The following RGS20 variants were observed in gnomAD, a reference collection of about 807,000 sequenced individuals.
The protein encoded by RGS20 is gz-selective GTPase-activating protein.
Under a neutral mutation model 33.6 loss-of-function variants are expected in RGS20, and 30 were observed. The ratio of observed to expected loss-of-function variants is 0.89; its 90% CI spans 0.67 to 1.21. The LOEUF is 1.21. Ranked by LOEUF, RGS20 falls within the 50% of genes most tolerant of loss-of-function variation. The pLI is 0.00. For missense variants in RGS20, 472 were observed against 502.4 expected (o/e 0.94, Z 0.58); for synonymous variants, 208 against 197.9 (o/e 1.05, Z -0.43).
At chr8:53,925,004 A>T (rs1047581349) in intron 2 of RGS20, among the ~76,000 whole-genome samples, 1 of 152,172 alleles carries the variant, frequency 6.6e-6, no homozygotes, top group Admixed American at 6.6e-5. Context: ...TTTAACCTGG[A>T]GCAATTTTAG....
intron 2 of RGS20, among the ~76,000 whole-genome samples, chr8:53,927,348 C>T (rs150440747): frequency 1.1e-4 from 16 of 151,888 alleles, no homozygotes; most frequent in South Asian, 2.1e-4. Context: ...GGACTACAGG[C>T]GCGCGCCACC....
At chr8:53,940,186 G>GT (rs1814248725) in intron 3 of RGS20, among the ~76,000 whole-genome samples, 1 of 151,032 alleles carries the variant, frequency 6.6e-6, no homozygotes, top group Admixed American at 6.6e-5. Context: ...CAAAATATGT[G>GT]TTTTAAAGAG....
chr8:53,853,701 A>G (rs1339677212), intron 1 of RGS20, among the ~76,000 whole-genome samples: 1 of 152,252 alleles, frequency 6.6e-6, no homozygotes, highest in Admixed American at 6.5e-5. Flanking sequence ...GCTAGGAGCC[A>G]TAGGGAATAA....
At chr8:53,885,880 A>G (rs530004211) in intron 2 of RGS20, among the ~76,000 whole-genome samples, 1 of 148,250 alleles carries the variant, frequency 6.7e-6, no homozygotes, top group East Asian at 2.0e-4. Flanking sequence ...TACTTACTAC[A>G]TGTTCTTAGA....
At chr8:53,916,041 G>A (rs1813474749) in intron 2 of RGS20, among the ~76,000 whole-genome samples, 1 of 151,510 alleles carries the variant, frequency 6.6e-6, no homozygotes, top group Admixed American at 6.6e-5. Flanking sequence ...ATATTCATCC[G>A]AGGACAGGGT....
chr8:53,925,165 T>C (rs1813758415), intron 2 of RGS20, among the ~76,000 whole-genome samples: 1 of 152,204 alleles, frequency 6.6e-6, no homozygotes, highest in Admixed American at 6.5e-5. Flanking sequence ...CTCAACTACA[T>C]GTTTTTAGAC....
At chr8:53,901,312 C>T (rs1813021040) in intron 2 of RGS20, among the ~76,000 whole-genome samples, 1 of 152,176 alleles carries the variant, frequency 6.6e-6, no homozygotes, top group South Asian at 2.1e-4. Context: ...AAGTGATCCA[C>T]CCGCCTTGGC....
chr8:53,948,509 C>T (rs1365418042), intron 4 of RGS20, among the ~76,000 whole-genome samples: 2 of 115,014 alleles, frequency 1.7e-5, no homozygotes, highest in African/African-American at 7.0e-5. Flanking sequence ...TATATATTTA[C>T]ATATGCTATA....
chr8:53,905,758 G>A (rs1322212628), intron 2 of RGS20, among the ~76,000 whole-genome samples: 1 of 152,174 alleles, frequency 6.6e-6, no homozygotes, highest in Non-Finnish European at 1.5e-5. Flanking sequence ...CAGCAGGTCT[G>A]TTTTTCTAAC....
At chr8:53,888,431 C>T (rs1812608704) in intron 2 of RGS20, among the ~76,000 whole-genome samples, 1 of 152,106 alleles carries the variant, frequency 6.6e-6, no homozygotes, top group South Asian at 2.1e-4. Flanking sequence ...AAGTGTACCC[C>T]CACAGAACCA....
At chr8:53,894,917 G>A (rs974648110) in intron 2 of RGS20, among the ~76,000 whole-genome samples, 1 of 152,210 alleles carries the variant, frequency 6.6e-6, no homozygotes, top group Non-Finnish European at 1.5e-5. Flanking sequence ...AAGCCCACAG[G>A]AGGGGACTAA....
chr8:53,947,159 T>A (rs1054808813), intron 4 of RGS20, among the ~76,000 whole-genome samples: 113 of 146,502 alleles, frequency 7.7e-4, no homozygotes, highest in South Asian at 1.5e-3. Context: ...AGTATATATA[T>A]TTATACACTC....
At chr8:53,934,115 A>C (rs951207578) in intron 2 of RGS20, among the ~76,000 whole-genome samples, 6 of 152,132 alleles carry the variant, frequency 3.9e-5, no homozygotes, top group African/African-American at 1.4e-4. Context: ...GACGTACTAC[A>C]CACGGAAAGG....
At chr8:53,955,926 C>T (rs1286205981) in intron 5 of RGS20, among the ~76,000 whole-genome samples, 1 of 152,090 alleles carries the variant, frequency 6.6e-6, no homozygotes, top group Non-Finnish European at 1.5e-5. Context: ...TAGTTATTTC[C>T]TACTATGTGC....
At chr8:53,953,275 C>T (rs1814762372) in intron 4 of RGS20, among the ~76,000 whole-genome samples, 1 of 152,190 alleles carries the variant, frequency 6.6e-6, no homozygotes, top group Non-Finnish European at 1.5e-5. Context: ...AATCCCAGCA[C>T]TCTGGGAGGC....
intron 2 of RGS20, chr8:53,886,915 T>G (rs1389292401): frequency 6.6e-6 from 1 of 152,246 alleles, no homozygotes; most frequent in Non-Finnish European, 1.5e-5. Flanking sequence ...ATAATGGACT[T>G]TTATGTCTCA....
chr8:53,932,348 A>G (rs1585934323), intron 2 of RGS20, among the ~76,000 whole-genome samples: 3 of 152,218 alleles, frequency 2.0e-5, no homozygotes, highest in Non-Finnish European at 1.5e-5. Flanking sequence ...TCCCACCCCC[A>G]CGGAACCCAG....
intron 1 of RGS20, among the ~76,000 whole-genome samples, chr8:53,857,527 T>C (rs1476437924): frequency 1.3e-5 from 2 of 152,168 alleles, no homozygotes; most frequent in Admixed American, 1.3e-4. Flanking sequence ...AGGGAAGATG[T>C]TGGTCAAAGG....
intron 1 of RGS20, among the ~76,000 whole-genome samples, chr8:53,855,211 C>T (rs1287611439): frequency 2.0e-5 from 3 of 152,054 alleles, no homozygotes; most frequent in South Asian, 4.2e-4. Flanking sequence ...ACTACAGGCA[C>T]GTGCCACCAC....
Sources: allele counts gnomAD v4.1 joint callset (sites outside exome capture counted in the v4.1 genomes callset), GRCh38; gene constraint gnomAD v4.1.1; transcripts MANE v1.5; gene names NCBI Gene and HGNC (gene_info 2026-07-23, HGNC 2026-07-21).